BMP1: variants seen among roughly 807,000 people sequenced by gnomAD.
The protein encoded by BMP1 is mammalian tolloid protein.
BMP1 carries 63 observed loss-of-function variants against 116.8 expected under a neutral mutation model. The observed-to-expected ratio is 0.54, with a 90% CI of 0.44 to 0.67. BMP1 has a LOEUF of 0.67. Ranked by LOEUF, BMP1 falls within the 30% of genes least tolerant of loss-of-function variation. BMP1 has a pLI of 0.00. For missense variants in BMP1, 1,183 were observed against 1,358.9 expected (o/e 0.87, Z 2.04); for synonymous variants, 536 against 533.4 (o/e 1.00, Z -0.07).
intron 15 of BMP1, 112 bp downstream of exon 15, chr8:22,197,532 C>T (rs1829128941): frequency 1.6e-6 from 2 of 1,233,604 alleles, no homozygotes; most frequent in Non-Finnish European, 2.3e-6. Context: ...GCCAGGCAGG[C>T]AGAGTCTGCC....
chr8:22,207,476 C>T lies in BMP1; in HGVS notation c.2535C>T (p.Asn845=). 1 of 1,613,882 alleles carries T rather than the reference C, an allele frequency of 6.2e-7. No homozygotes were observed. Among genetic ancestry groups the T allele is most frequent in the Non-Finnish European group, 8.5e-7 (1 of 1,180,030 alleles). The part of the protein sequence containing the change: ...SRMFLRFYSD[N]SVQRKGFQAS... ...TGTTCCTGCGCTTCTACTCAGATAA[C>T]TCGGTCCAGCGAAAGGGCTTCCAGG... The change falls in exon 18 of 20, where the codon AAC becomes AAT. Residue 845 remains asparagine (N), a synonymous_variant. Coordinates refer to ENST00000306385, the MANE Select transcript of BMP1 (RefSeq NM_006129.5).
chr8:22,204,741 C>A (rs1256169827), intron 16 of BMP1, among the ~76,000 whole-genome samples: 1 of 151,320 alleles, frequency 6.6e-6, no homozygotes, highest in Non-Finnish European at 1.5e-5. Flanking sequence ...CCGCCCGCCC[C>A]CGCAAAAAGA....
Position 22,211,742 on chromosome 8 carries a change from A to G in BMP1, c.*14A>G. The G allele has an allele frequency of 6.2e-7, 1 of 1,614,104 alleles. No homozygotes were observed. The highest frequency in any genetic ancestry group is 1.1e-5 in the South Asian group (1 of 91,092). On this transcript the variant is annotated 3_prime_UTR_variant, in exon 20 of 20. Coordinates refer to ENST00000306385, the MANE Select transcript of BMP1 (RefSeq NM_006129.5). ...AGCAGGAAGTGACCACTGCCTGAGC[A>G]GGGGCGGGGACTGGAGCCTGCTGCC...
chr8:22,167,092 G>A (rs998773840), intron 1 of BMP1, among the ~76,000 whole-genome samples: 3 of 152,170 alleles, frequency 2.0e-5, no homozygotes, highest in East Asian at 1.9e-4. Flanking sequence ...CACAGTCAGC[G>A]CTAAATAAAT....
chr8:22,192,367 T>G, intron 9 of BMP1: 1 of 481,058 alleles, frequency 2.1e-6, no homozygotes. Flanking sequence ...GACTTCAGAG[T>G]ACCCAGTCCA....
At chr8:22,193,765 C>T (rs1273932942) in intron 9 of BMP1, among the ~76,000 whole-genome samples, 2 of 152,212 alleles carry the variant, frequency 1.3e-5, no homozygotes, top group Admixed American at 1.3e-4. Flanking sequence ...GCCTGGGTGA[C>T]AGAGCGAGAC....
At chr8:22,165,957 C>G (rs866793244) in intron 1 of BMP1, among the ~76,000 whole-genome samples, 34 of 149,930 alleles carry the variant, frequency 2.3e-4, no homozygotes, top group South Asian at 1.3e-3. Flanking sequence ...CTCTCCTGCT[C>G]CAGGAGCTGG....
At chr8:22,205,732 A>G (rs1327903495) in intron 16 of BMP1, among the ~76,000 whole-genome samples, 1 of 152,194 alleles carries the variant, frequency 6.6e-6, no homozygotes, top group Non-Finnish European at 1.5e-5. Context: ...CTATGATCGC[A>G]CTACTGTACT....
At chr8:22,172,451 C>T (rs937121632) in intron 1 of BMP1, among the ~76,000 whole-genome samples, 2 of 151,924 alleles carry the variant, frequency 1.3e-5, no homozygotes, top group African/African-American at 4.8e-5. Flanking sequence ...CTCTCTTCCC[C>T]TCTGGCCTTT....
At chr8:22,177,234 A>G (rs969338492) in intron 5 of BMP1, 95 bp downstream of exon 5, 1 of 1,332,970 alleles carries the variant, frequency 7.5e-7, no homozygotes, top group African/African-American at 1.5e-5. Flanking sequence ...CGCTCCAGCC[A>G]GCCGTCATCG....
intron 1 of BMP1, chr8:22,171,757 T>G (rs1373159691): frequency 6.6e-6 from 1 of 152,218 alleles, no homozygotes; most frequent in Non-Finnish European, 1.5e-5. Flanking sequence ...TTTCCTCATC[T>G]ATAAAATGGA....
chr8:22,207,140 G>A (rs1211823923), intron 17 of BMP1, among the ~76,000 whole-genome samples, 159 bp downstream of exon 17: 2 of 152,202 alleles, frequency 1.3e-5, no homozygotes, highest in African/African-American at 4.8e-5. Flanking sequence ...TATAAATTAG[G>A]GGCGTCCCTG....
At chr8:22,201,246 A>G in intron 15 of BMP1, 1 of 1,586,454 alleles carries the variant, frequency 6.3e-7, no homozygotes, top group Non-Finnish European at 8.5e-7. Context: ...CAGGAACCTC[A>G]CCTTGGACGG....
intron 15 of BMP1, chr8:22,200,984 T>C: frequency 2.8e-6 from 1 of 352,304 alleles, no homozygotes; most frequent in Non-Finnish European, 5.7e-6. Context: ...TGTGTCCGCC[T>C]GCCCTCCCGC....
intron 16 of BMP1, among the ~76,000 whole-genome samples, chr8:22,204,219 C>T (rs555261714): frequency 4.7e-4 from 71 of 152,204 alleles, no homozygotes; most frequent in South Asian, 4.4e-3. Flanking sequence ...GTGAACCCAC[C>T]GATGGGTAAT....
intron 16 of BMP1, among the ~76,000 whole-genome samples, chr8:22,206,600 G>A (rs1427717156): frequency 6.6e-6 from 1 of 152,136 alleles, no homozygotes; most frequent in Non-Finnish European, 1.5e-5. Flanking sequence ...GTTGTCCAGG[G>A]AGCCTGCGAT....
At position 22,212,071 on chromosome 8, in the gene BMP1, G is replaced by A. The variant is rs547390925; in HGVS notation, c.*343G>A. 4 of 291,998 alleles carry A rather than the reference G, an allele frequency of 1.4e-5. No homozygotes were observed. The highest frequency in any genetic ancestry group is 6.5e-5 in the East Asian group (1 of 15,468). 18.1% of individuals were successfully genotyped at this position (291,998 alleles called of 1,614,324 possible). ...CCTGTGTCTCTACACGCTGTATTGTGTATCACCGGGGGCATTATTTTCATT... is the reference window on the plus strand; with the variant it reads ...CCTGTGTCTCTACACGCTGTATTGTATATCACCGGGGGCATTATTTTCATT... On this transcript the variant is annotated 3_prime_UTR_variant, in exon 20 of 20. Coordinates refer to ENST00000306385, the MANE Select transcript of BMP1 (RefSeq NM_006129.5).
chr8:22,189,524 C>G (rs1828872328), intron 8 of BMP1, among the ~76,000 whole-genome samples: 1 of 151,294 alleles, frequency 6.6e-6, no homozygotes, highest in African/African-American at 2.4e-5. Flanking sequence ...TTCAGTGAGC[C>G]AGTGCAATCC....
chr8:22,206,832 T>C lies in BMP1; in HGVS notation c.2234-22T>C, dbSNP rs760432826. On this transcript the variant is annotated intron_variant, in intron 16 of 19. Transcript: ENST00000306385. ...AGCTTGGGGTCCCTCTCTATCCCCT[T>C]CCGTCACTCGCTTCCCTGCAGCCGG... 16 of 1,613,916 alleles carry C rather than the reference T, an allele frequency of 9.9e-6. No homozygotes were observed. In the South Asian group the frequency reaches 1.6e-4, roughly 17 times the overall value.
Sources: gnomAD v4.1 joint callset for allele counts (sites outside exome capture counted in the v4.1 genomes callset) on GRCh38, gnomAD v4.1.1 for gene constraint, MANE v1.5 for transcripts, NCBI Gene and HGNC (gene_info 2026-07-23, HGNC 2026-07-21) for gene names.